INPP5A: variants seen among roughly 807,000 people sequenced by gnomAD.
INPP5A encodes inositol polyphosphate-5-phosphatase A.
INPP5A carries 14 observed loss-of-function variants against 65.2 expected under a neutral mutation model. The observed-to-expected ratio is 0.21, with a 90% CI of 0.14 to 0.34. The LOEUF (loss-of-function observed/expected upper bound fraction) is 0.34, where lower values mean the gene tolerates loss of function less well. Among genes scored for constraint, INPP5A ranks in the 10% least tolerant of loss-of-function variants. The pLI is 1.00. For missense variants in INPP5A, 431 were observed against 545.6 expected (o/e 0.79, Z 2.09); for synonymous variants, 207 against 208.3 (o/e 0.99, Z 0.05).
Position 132,537,819 on chromosome 10 carries a change from G to C in INPP5A, c.-278G>C. The C allele has an allele frequency of 2.7e-6, 1 of 368,856 alleles. No homozygotes were observed. 22.8% of individuals were successfully genotyped at this position (368,856 alleles called of 1,614,324 possible). On this transcript the variant is annotated 5_prime_UTR_variant, in exon 1 of 16. Transcript: ENST00000368594. ...CTCAGCCTGAGTCGGCGGCGGCTGC[G>C]GGAACTTTCCCAGCGGATCTAATGG...
At position 132,698,957 on chromosome 10, in the gene INPP5A, G is replaced by T. The variant is rs529976095; in HGVS notation, c.474+1038G>T. Among the ~76,000 whole-genome samples the T allele has an allele frequency of 2.0e-5, 3 of 152,340 alleles. No individual in the cohort carries two copies. The East Asian group carries it at 5.8e-4, about 29-fold the overall frequency. ...GATGGGGTGCTCCTGTCACCCTGTG[G>T]CTCGGCCTCCTCATCCGTCTTCCCA... On this transcript the variant is annotated intron_variant, in intron 6 of 15. Coordinates refer to ENST00000368594, the MANE Select transcript of INPP5A (RefSeq NM_005539.5). The surrounding 1 kb of genome is among the most constrained non-coding windows in gnomAD (Gnocchi z 5.5).
intron 1 of INPP5A, among the ~76,000 whole-genome samples, chr10:132,567,448 T>G (rs1253224027): frequency 1.3e-5 from 2 of 152,236 alleles, no homozygotes; most frequent in African/African-American, 4.8e-5. Flanking sequence ...GCGCAGCCCC[T>G]TGGGCAACTT....
chr10:132,601,111 G>C (rs1227904793), intron 1 of INPP5A, among the ~76,000 whole-genome samples: 1 of 152,006 alleles, frequency 6.6e-6, no homozygotes, highest in Non-Finnish European at 1.5e-5. Flanking sequence ...AGTGCACAAG[G>C]GTCCCATTTC....
At position 132,759,035 on chromosome 10, in the gene INPP5A, G is replaced by T. The variant is rs193044650; in HGVS notation, c.904-6738G>T. Among the ~76,000 whole-genome samples, 547 of 152,376 alleles carry T rather than the reference G, an allele frequency of 3.6e-3. 2 individuals carry two copies. Among genetic ancestry groups the T allele is most frequent in the Non-Finnish European group, 6.0e-3 (405 of 68,036 alleles). On this transcript the variant is annotated intron_variant, in intron 11 of 15. Transcript: ENST00000368594. ...ATTGAACTCTGTTTACATTTAGGGC[G>T]AGGAGTTGCAGAGACTTTTCTCCCC...
intron 1 of INPP5A, among the ~76,000 whole-genome samples, chr10:132,593,342 C>T (rs920334889): frequency 1.1e-4 from 17 of 152,166 alleles, no homozygotes; most frequent in African/African-American, 3.9e-4. Context: ...TGGGATCCTG[C>T]ATTACAATTT....
In INPP5A at chr10:132,727,127, C is replaced by A. The variant is rs1326344308; in HGVS notation, c.732+222C>A. The A allele has an allele frequency of 2.4e-6, 1 of 415,788 alleles. No individual in the cohort carries two copies. The highest frequency in any genetic ancestry group is 4.3e-6 in the Non-Finnish European group (1 of 230,164). The allele number at this position is 415,788 out of a possible 1,614,324, so 25.8% of individuals were successfully genotyped here. A position where few individuals can be genotyped will look rare whatever the true frequency, so the allele number is the denominator to read the frequency against. ...GGGCCCTCAAGGTTGCCCCGGATGGCGGGTGACAGTGCTGTGGGGCTTTGC... is the reference window on the plus strand; with the variant it reads ...GGGCCCTCAAGGTTGCCCCGGATGGAGGGTGACAGTGCTGTGGGGCTTTGC... On this transcript the variant is annotated intron_variant, in intron 9 of 15. Coordinates refer to ENST00000368594, the MANE Select transcript of INPP5A (RefSeq NM_005539.5). This position sits in a 1 kb window ranked among gnomAD's most constrained non-coding sequence, Gnocchi z 6.5.
rs2071804994 is a variant in INPP5A at position 132,603,812 on chromosome 10, C to T, written c.76-4103C>T. Among the ~76,000 whole-genome samples, 1 of 152,112 alleles carries T rather than the reference C, an allele frequency of 6.6e-6. No individual in the cohort carries two copies. Among genetic ancestry groups the T allele is most frequent in the Non-Finnish European group, 1.5e-5 (1 of 68,016 alleles). ...ACCTTTCCCTGCCTCCGTTTTCAGC[C>T]CTTGGTTCTGTACTGTGTGGACATG... On this transcript the variant is annotated intron_variant, in intron 1 of 15. Coordinates refer to ENST00000368594, the MANE Select transcript of INPP5A (RefSeq NM_005539.5). The surrounding 1 kb of genome is among the most constrained non-coding windows in gnomAD (Gnocchi z 4.2).
At chr10:132,689,093 T>C (rs1043419584) in intron 4 of INPP5A, among the ~76,000 whole-genome samples, 1 of 152,228 alleles carries the variant, frequency 6.6e-6, no homozygotes, top group Admixed American at 6.5e-5. Flanking sequence ...AGTGTACAAG[T>C]GAAGCCTTGG....
In INPP5A at chr10:132,655,445, T is replaced by C. The variant is rs912933554; in HGVS notation, c.306+4940T>C. ...TCCCGGGCTGCCAAGTGCCTATTGA[T>C]CCACAGCTCCAACAGCACAGAAATC... On this transcript the variant is annotated intron_variant, in intron 4 of 15. Transcript: ENST00000368594. 7.2e-5 allele frequency among the ~76,000 whole-genome samples: 11 copies of C among 152,126 alleles called. 1 individual carries two copies. The highest frequency in any genetic ancestry group is 5.9e-4 in the Admixed American group (9 of 15,274).
intron 1 of INPP5A, among the ~76,000 whole-genome samples, chr10:132,597,653 C>T (rs1266155382): frequency 7.2e-5 from 11 of 152,206 alleles, no homozygotes; most frequent in Non-Finnish European, 1.3e-4. Flanking sequence ...TTGCACGTGT[C>T]TGCTTGTTCC....
chr10:132,586,376 C>T (rs1013086883), intron 1 of INPP5A, among the ~76,000 whole-genome samples: 3 of 152,232 alleles, frequency 2.0e-5, no homozygotes, highest in African/African-American at 4.8e-5. Context: ...GGACCATGGG[C>T]GGGGCTGCCT....
In INPP5A at chr10:132,762,811, C is replaced by G. The variant is rs1451051038; in HGVS notation, c.904-2962C>G. 6.6e-6 allele frequency among the ~76,000 whole-genome samples: 1 copy of G among 152,000 alleles called. No individual in the cohort carries two copies. The highest frequency in any genetic ancestry group is 1.5e-5 in the Non-Finnish European group (1 of 67,996). On this transcript the variant is annotated intron_variant, in intron 11 of 15. Transcript: ENST00000368594. This position sits in a 1 kb window ranked among gnomAD's most constrained non-coding sequence, Gnocchi z 4.6. ...TCTCAGACAAGCCAGGGCAATGTGG[C>G]AAGACCCCGTCTCTACAAAAAATAA...
At chr10:132,779,834 C>G (rs1380450279) in intron 13 of INPP5A, among the ~76,000 whole-genome samples, 1 of 152,246 alleles carries the variant, frequency 6.6e-6, no homozygotes, top group Non-Finnish European at 1.5e-5. Flanking sequence ...CCAAAAGGGG[C>G]TCGGGACGCG....
chr10:132,661,679 AG>A (rs2072738960), intron 4 of INPP5A, among the ~76,000 whole-genome samples: 1 of 152,234 alleles, frequency 6.6e-6, no homozygotes, highest in Non-Finnish European at 1.5e-5. Context: ...GTAGAAATTA[AG>A]CTGGTTCTAA....
At chr10:132,558,311 C>A (rs1324662281) in intron 1 of INPP5A, among the ~76,000 whole-genome samples, 1 of 152,224 alleles carries the variant, frequency 6.6e-6, no homozygotes, top group Non-Finnish European at 1.5e-5. Context: ...CTCTCCCCCC[C>A]GGCCCACGCT....
intron 12 of INPP5A, among the ~76,000 whole-genome samples, chr10:132,766,148 CTG>C (rs750252938): frequency 6.6e-5 from 10 of 150,450 alleles, no homozygotes; most frequent in African/African-American, 2.0e-4. Flanking sequence ...ACGTGTGCAT[CTG>C]TGTGTGCACG....
At chr10:132,768,752 G>T (rs1411126266) in intron 12 of INPP5A, among the ~76,000 whole-genome samples, 1 of 152,260 alleles carries the variant, frequency 6.6e-6, no homozygotes, top group Admixed American at 6.5e-5. Flanking sequence ...GTCTGGCAGC[G>T]TCTCCTTCCT....
At chr10:132,592,059 A>C (rs1026682677) in intron 1 of INPP5A, among the ~76,000 whole-genome samples, 1 of 152,230 alleles carries the variant, frequency 6.6e-6, no homozygotes, top group African/African-American at 2.4e-5. Context: ...TGAAAAGACA[A>C]AGCGTTTCAC....
intron 4 of INPP5A, among the ~76,000 whole-genome samples, chr10:132,654,740 TG>T: frequency 6.6e-6 from 1 of 152,396 alleles, no homozygotes; most frequent in African/African-American, 2.4e-5. Flanking sequence ...GAATTTATCT[TG>T]TACATAAATG....
Sources: allele counts gnomAD v4.1 joint callset (sites outside exome capture counted in the v4.1 genomes callset), GRCh38; gene constraint gnomAD v4.1.1; non-coding constraint Gnocchi (gnomAD v3.1); transcripts MANE v1.5; gene names NCBI Gene and HGNC (gene_info 2026-07-23, HGNC 2026-07-21).